PROM1: variants seen among roughly 807,000 people sequenced by gnomAD.
PROM1 encodes prominin 1.
Under a neutral mutation model 116.9 loss-of-function variants are expected in PROM1, and 105 were observed. The observed-to-expected ratio is 0.90, with a 90% CI of 0.77 to 1.06. PROM1 has a LOEUF of 1.06. PROM1 is among the 50% of genes least tolerant of loss of function. PROM1 has a pLI of 0.00. For missense variants in PROM1, 1,122 were observed against 1,045.2 expected, an observed-to-expected ratio of 1.07 and a Z score of -1.01; for synonymous variants, 393 against 387.0, an observed-to-expected ratio of 1.02 and a Z score of -0.18.
chr4:15,983,001 C>T (rs1718360146), intron 23 of PROM1, among the ~76,000 whole-genome samples: 1 of 152,098 alleles, frequency 6.6e-6, no homozygotes, highest in African/African-American at 2.4e-5. Context: ...ATACTCTGTG[C>T]CAGGTATTAT....
chr4:16,049,589 T>A (rs1175502887), intron 2 of PROM1, among the ~76,000 whole-genome samples: 1 of 152,186 alleles, frequency 6.6e-6, no homozygotes, highest in African/African-American at 2.4e-5. Flanking sequence ...GATCTCACCA[T>A]ATTCTTATGT....
intron 8 of PROM1, among the ~76,000 whole-genome samples, chr4:16,022,263 C>T (rs139929472): frequency 3.3e-5 from 5 of 152,196 alleles, no homozygotes; most frequent in African/African-American, 1.2e-4. Flanking sequence ...TCTGGGCCTC[C>T]GTTTCCTTGC....
intron 9 of PROM1, among the ~76,000 whole-genome samples, chr4:16,017,169 T>G (rs1327117141): frequency 6.6e-6 from 1 of 152,206 alleles, no homozygotes; most frequent in African/African-American, 2.4e-5. Flanking sequence ...AAAATGCATA[T>G]TATTTTATGC....
rs1327011664 is a variant in PROM1 at position 16,018,257 on chromosome 4, C to T, written c.1002+66G>A. ...CACCATGCACTGGATAGGTCACCCA[C>T]GCTTAGCCCTGCCCGGCAATCCCCA... On this transcript the variant is annotated intron_variant, in intron 9 of 27. Coordinates refer to ENST00000447510, the MANE Select transcript of PROM1 (RefSeq NM_006017.3). The T allele has an allele frequency of 3.1e-5, 47 of 1,518,128 alleles. No homozygotes were observed. In the Admixed American group the frequency reaches 5.3e-4, roughly 17 times the overall value. The allele number at this position is 1,518,128 out of a possible 1,614,324, so 94.0% of individuals were successfully genotyped here. A position where few individuals can be genotyped will look rare whatever the true frequency, so the allele number is the denominator to read the frequency against.
intron 4 of PROM1, among the ~76,000 whole-genome samples, chr4:16,033,927 AT>A (rs1000480927): frequency 2.6e-5 from 4 of 151,354 alleles, no homozygotes; most frequent in Non-Finnish European, 4.4e-5. Context: ...ATATGTATGT[AT>A]TTTTTTCCAT....
chr4:16,008,935 A>G lies in PROM1; in HGVS notation c.1301+14T>C. 3.2e-6 allele frequency: 5 copies of G among 1,564,532 alleles called. No individual in the cohort carries two copies. The highest frequency in any genetic ancestry group is 1.9e-4 in the Middle Eastern group (1 of 5,218). On this transcript the variant is annotated intron_variant, in intron 12 of 27. Transcript: ENST00000447510. Reference sequence around the variant, plus strand: ...TTCACTCTCGTAGTTCACCAGCTCCAAGGAGACACTCACCAGTATGAATCA... The same window carrying G: ...TTCACTCTCGTAGTTCACCAGCTCCGAGGAGACACTCACCAGTATGAATCA...
At position 16,033,492 on chromosome 4, in the gene PROM1, T is replaced by G. The variant is rs371975235; in HGVS notation, c.321A>C (p.Ala107=). The G allele has an allele frequency of 8.9e-5, 143 of 1,603,692 alleles. No homozygotes were observed. Among genetic ancestry groups the G allele is most frequent in the Non-Finnish European group, 1.2e-4 (142 of 1,174,794 alleles). ...CCAGGACACAGCATAGAATAATCCC[T>G]GCTTCATAGTAGACAATCTGCAATT... ...ILGLKIVYYE[A]GIILCCVLGL... The change falls in exon 5 of 28, where the codon GCA becomes GCC. Residue 107 remains alanine, a synonymous_variant. Transcript: ENST00000447510.
At chr4:16,012,890 A>C (rs79821019) in intron 11 of PROM1, among the ~76,000 whole-genome samples, 2 of 149,612 alleles carry the variant, frequency 1.3e-5, no homozygotes, top group African/African-American at 2.5e-5. Context: ...AAAAAAAAAA[A>C]ACAACAAACT....
rs374364361 is a variant in PROM1 at position 16,013,346 on chromosome 4, AT to A, written c.1078-9del. 6.3e-7 allele frequency: 1 copy of A among 1,588,470 alleles called. No individual in the cohort carries two copies. Among genetic ancestry groups the A allele is most frequent in the African/African-American group, 1.3e-5 (1 of 74,454 alleles). ...ATTAAGGGATTGATAGCCCTGAAAA[AT>A]ATTTCAAAATAAAAGGATGTACACA... On this transcript the variant is annotated splice_polypyrimidine_tract_variant and intron_variant, in intron 10 of 27. Coordinates refer to ENST00000447510, the MANE Select transcript of PROM1 (RefSeq NM_006017.3).
intron 2 of PROM1, among the ~76,000 whole-genome samples, chr4:16,052,236 C>T (rs975246908): frequency 4.6e-5 from 7 of 152,144 alleles, no homozygotes; most frequent in Non-Finnish European, 1.0e-4. Flanking sequence ...CCAGCCTTTC[C>T]GACTGCTTCT....
intron 13 of PROM1, among the ~76,000 whole-genome samples, chr4:16,005,952 C>G (rs2677779): frequency 1 from 152,149 of 152,362 alleles, 75,970 homozygotes; most frequent in East Asian, 1. Flanking sequence ...ACTTGGAGGT[C>G]AATGTCTTTG....
intron 8 of PROM1, among the ~76,000 whole-genome samples, chr4:16,019,897 C>CACACACAT (rs3221209): frequency 1.3e-5 from 2 of 148,532 alleles, no homozygotes; most frequent in Non-Finnish European, 3.0e-5. Context: ...CACACACACA[C>CACACACAT]ATTTTAAAAA....
intron 2 of PROM1, among the ~76,000 whole-genome samples, chr4:16,066,670 G>A (rs547734179): frequency 7.2e-5 from 11 of 152,294 alleles, no homozygotes; most frequent in African/African-American, 2.6e-4. Flanking sequence ...CACTTCTCTA[G>A]GGGTAAATCT....
intron 8 of PROM1, among the ~76,000 whole-genome samples, chr4:16,020,682 C>T (rs967051897): frequency 6.6e-6 from 1 of 152,156 alleles, no homozygotes; most frequent in Admixed American, 6.5e-5. Flanking sequence ...CCAACAACAA[C>T]AGAGAATGAC....
At chr4:16,077,817 T>C (rs1479038799) in intron 1 of PROM1, among the ~76,000 whole-genome samples, 5 of 152,204 alleles carry the variant, frequency 3.3e-5, no homozygotes, top group African/African-American at 1.2e-4. Context: ...TTGTTCTCTT[T>C]GCCGCTGGAG....
chr4:16,044,344 A>T (rs898783183), intron 2 of PROM1, among the ~76,000 whole-genome samples: 5 of 152,176 alleles, frequency 3.3e-5, no homozygotes, highest in African/African-American at 1.2e-4. Flanking sequence ...TTTGCAGTAG[A>T]TTTATCAGAT....
At chr4:16,038,479 T>C (rs994137986) in intron 3 of PROM1, among the ~76,000 whole-genome samples, 2 of 152,236 alleles carry the variant, frequency 1.3e-5, no homozygotes, top group African/African-American at 4.8e-5. Flanking sequence ...CTCGGCTCAC[T>C]GCAACCTCTG....
intron 26 of PROM1, among the ~76,000 whole-genome samples, chr4:15,978,452 G>A (rs918177427): frequency 2.0e-5 from 3 of 152,228 alleles, no homozygotes; most frequent in Non-Finnish European, 4.4e-5. Flanking sequence ...AGATAAGGAT[G>A]TGCCTGACTG....
intron 2 of PROM1, among the ~76,000 whole-genome samples, chr4:16,061,930 C>T (rs1261285583): frequency 3.4e-5 from 5 of 146,520 alleles, no homozygotes; most frequent in African/African-American, 7.6e-5. Context: ...CTCGCTCTGT[C>T]GCCCAGGCTG....
Sources: gnomAD v4.1 joint callset for allele counts (sites outside exome capture counted in the v4.1 genomes callset) on GRCh38, gnomAD v4.1.1 for gene constraint, MANE v1.5 for transcripts, NCBI Gene and HGNC (gene_info 2026-07-23, HGNC 2026-07-21) for gene names.